Variants in WWOX observed in about 807,000 individuals in gnomAD.
The protein encoded by WWOX is WW domain containing oxidoreductase, also known as WW domain-containing oxidoreductase.
Under a neutral mutation model 46.2 loss-of-function variants are expected in WWOX, and 69 were observed. The ratio of observed to expected loss-of-function variants is 1.49; its 90% CI spans 1.23 to 1.82. The LOEUF (loss-of-function observed/expected upper bound fraction) is 1.82, where lower values mean the gene tolerates loss of function less well. Among genes scored for constraint, WWOX ranks in the 40% most tolerant of loss-of-function variants. WWOX has a pLI of 0.00. For synonymous variants in WWOX, 359 were observed against 202.6 expected (o/e 1.77, Z -6.56); for missense variants, 919 against 542.6 (o/e 1.69, Z -6.89).
intron 5 of WWOX, among the ~76,000 whole-genome samples, chr16:78,358,189 C>T (rs12925811): frequency 6.6e-6 from 1 of 152,104 alleles, no homozygotes; most frequent in African/African-American, 2.4e-5. Context: ...AACAATTCTC[C>T]TATCGAAAGA....
At chr16:79,083,072 A>T (rs2048789719) in intron 8 of WWOX, among the ~76,000 whole-genome samples, 2 of 152,194 alleles carry the variant, frequency 1.3e-5, no homozygotes, top group Middle Eastern at 3.2e-3. Context: ...TCTTCACTGT[A>T]AATCTAGACA....
chr16:78,706,691 C>T (rs568502520), intron 8 of WWOX, among the ~76,000 whole-genome samples: 7 of 152,306 alleles, frequency 4.6e-5, no homozygotes, highest in East Asian at 3.9e-4. Context: ...TGCTCTTTCT[C>T]GATCCTTGCA....
At chr16:78,309,355 C>G (rs2080194168) in intron 5 of WWOX, among the ~76,000 whole-genome samples, 1 of 152,134 alleles carries the variant, frequency 6.6e-6, no homozygotes, top group African/African-American at 2.4e-5. Context: ...TGAGGCCTCC[C>G]CAGCCATGCT....
At chr16:78,204,335 G>A (rs1313215128) in intron 5 of WWOX, among the ~76,000 whole-genome samples, 1 of 151,992 alleles carries the variant, frequency 6.6e-6, no homozygotes, top group Non-Finnish European at 1.5e-5. Flanking sequence ...TTTGATACAG[G>A]CATGCAATGT....
intron 5 of WWOX, among the ~76,000 whole-genome samples, chr16:78,306,667 C>T (rs1413714386): frequency 6.6e-6 from 1 of 151,886 alleles, no homozygotes; most frequent in Non-Finnish European, 1.5e-5. Context: ...CCCATGCCTT[C>T]CCCAAATTCC....
chr16:78,170,176 A>T (rs993618070), intron 5 of WWOX, among the ~76,000 whole-genome samples: 3 of 152,182 alleles, frequency 2.0e-5, no homozygotes, highest in African/African-American at 7.2e-5. Context: ...TGGGGGTGCA[A>T]ATCGTCCCCA....
At chr16:78,829,500 A>C (rs2051755483) in intron 8 of WWOX, among the ~76,000 whole-genome samples, 1 of 152,096 alleles carries the variant, frequency 6.6e-6, no homozygotes, top group Admixed American at 6.6e-5. Flanking sequence ...ACTCAGAAAT[A>C]ATGGTTAGTC....
intron 6 of WWOX, among the ~76,000 whole-genome samples, chr16:78,401,721 A>T (rs1003211787): frequency 6.6e-6 from 1 of 151,888 alleles, no homozygotes; most frequent in Non-Finnish European, 1.5e-5. Flanking sequence ...TTTTTTTGAG[A>T]CGGAGTCTTG....
At chr16:78,988,176 C>T (rs1027589140) in intron 8 of WWOX, among the ~76,000 whole-genome samples, 1 of 151,770 alleles carries the variant, frequency 6.6e-6, no homozygotes, top group Non-Finnish European at 1.5e-5. Context: ...AACCCCGTCT[C>T]TACTAAAAAT....
chr16:78,249,347 G>C (rs1241928492), intron 5 of WWOX, among the ~76,000 whole-genome samples: 1 of 152,156 alleles, frequency 6.6e-6, no homozygotes, highest in Non-Finnish European at 1.5e-5. Flanking sequence ...AGGGACTCCT[G>C]CACTTTGCCA....
chr16:78,557,660 G>A (rs1027649119), intron 8 of WWOX, among the ~76,000 whole-genome samples: 1 of 146,174 alleles, frequency 6.8e-6, no homozygotes, highest in East Asian at 2.0e-4. Flanking sequence ...CCGGAAATGC[G>A]ACACATAAGT....
At position 78,338,825 on chromosome 16, in the gene WWOX, C is replaced by A. The variant is rs1400547942; in HGVS notation, c.517-48035C>A. Reference sequence around the variant, plus strand: ...TTCATTCATTCTATTCTTTTCATTTCTTTTTCTTTTTGTAAAAATTGTACA... The same window carrying A: ...TTCATTCATTCTATTCTTTTCATTTATTTTTCTTTTTGTAAAAATTGTACA... On this transcript the variant is annotated intron_variant, in intron 5 of 8. Coordinates refer to ENST00000566780, the MANE Select transcript of WWOX (RefSeq NM_016373.4). 5.9e-5 allele frequency among the ~76,000 whole-genome samples: 7 copies of A among 119,540 alleles called. 2 individuals carry two copies. Among genetic ancestry groups the A allele is most frequent in the African/African-American group, 2.0e-4 (7 of 35,552 alleles). 78.4% of individuals were successfully genotyped at this position (119,540 alleles called of 152,430 possible).
chr16:78,471,209 C>A (rs555646491), intron 8 of WWOX, among the ~76,000 whole-genome samples: 2 of 152,242 alleles, frequency 1.3e-5, no homozygotes, highest in South Asian at 4.2e-4. Context: ...GACAATCAGG[C>A]GTGATTCTTC....
chr16:78,623,673 T>C (rs1302315981), intron 8 of WWOX, among the ~76,000 whole-genome samples: 1 of 150,770 alleles, frequency 6.6e-6, no homozygotes, highest in Admixed American at 6.6e-5. Flanking sequence ...GGAGCCATGA[T>C]GTTATTAGCT....
chr16:78,790,077 G>C (rs1453393409), intron 8 of WWOX, among the ~76,000 whole-genome samples: 1 of 152,138 alleles, frequency 6.6e-6, no homozygotes, highest in Non-Finnish European at 1.5e-5. Context: ...CTTGCACATA[G>C]GAAGCATTTA....
At chr16:78,638,197 G>A (rs557379563) in intron 8 of WWOX, among the ~76,000 whole-genome samples, 1 of 152,132 alleles carries the variant, frequency 6.6e-6, no homozygotes, top group African/African-American at 2.4e-5. Flanking sequence ...AGGAATGCTC[G>A]ATTTGTATTC....
chr16:78,146,388 C>T (rs916431189), intron 4 of WWOX, among the ~76,000 whole-genome samples: 1 of 152,126 alleles, frequency 6.6e-6, no homozygotes, highest in Non-Finnish European at 1.5e-5. Flanking sequence ...CCAAGACCCT[C>T]TTTTTGGCCC....
intron 8 of WWOX, among the ~76,000 whole-genome samples, chr16:78,778,510 C>T (rs569280145): frequency 3.9e-5 from 6 of 152,236 alleles, no homozygotes; most frequent in South Asian, 2.1e-4. Context: ...ACTGTGAGGA[C>T]GGGGCCAAGT....
intron 8 of WWOX, among the ~76,000 whole-genome samples, chr16:78,468,463 C>A (rs1258875936): frequency 6.6e-6 from 1 of 152,064 alleles, no homozygotes; most frequent in African/African-American, 2.4e-5. Context: ...CAGATTCATC[C>A]TTTTGCTTCC....
Sources: allele counts gnomAD v4.1 joint callset (sites outside exome capture counted in the v4.1 genomes callset), GRCh38; gene constraint gnomAD v4.1.1; transcripts MANE v1.5; gene names NCBI Gene and HGNC (gene_info 2026-07-23, HGNC 2026-07-21).